The following GPC5 variants were observed in gnomAD, a reference collection of about 807,000 sequenced individuals.
The protein encoded by GPC5 is glypican 5.
In GPC5, 47 loss-of-function variants were observed where a neutral mutation model predicts 53.9. That is an observed-to-expected ratio of 0.87 (90% CI 0.69 to 1.11). GPC5 has a LOEUF of 1.11. Among genes scored for constraint, GPC5 ranks in the 50% most tolerant of loss-of-function variants. The pLI, the probability that GPC5 is intolerant of heterozygous loss-of-function variation, is 0.00. For synonymous variants in GPC5, 286 were observed against 263.3 expected (o/e 1.09, Z -0.84); for missense variants, 748 against 713.1 (o/e 1.05, Z -0.56).
intron 6 of GPC5, among the ~76,000 whole-genome samples, chr13:92,137,354 C>T (rs988133628): frequency 2.6e-5 from 4 of 152,144 alleles, no homozygotes; most frequent in Admixed American, 2.0e-4. Flanking sequence ...AAGTTCAAAA[C>T]TTGAAACACT....
At chr13:92,063,538 T>C (rs1373707399) in intron 6 of GPC5, among the ~76,000 whole-genome samples, 1 of 152,074 alleles carries the variant, frequency 6.6e-6, no homozygotes, top group Admixed American at 6.5e-5. Flanking sequence ...ACTCCTACCA[T>C]GCTTTGGGCC....
At chr13:92,798,930 A>G (rs1223057637) in intron 7 of GPC5, among the ~76,000 whole-genome samples, 1 of 151,878 alleles carries the variant, frequency 6.6e-6, no homozygotes, top group Admixed American at 6.6e-5. Flanking sequence ...AATACGTAAT[A>G]TCTTAGATTC....
chr13:91,697,692 A>T (rs2035909178), intron 3 of GPC5, among the ~76,000 whole-genome samples: 1 of 152,006 alleles, frequency 6.6e-6, no homozygotes, highest in Non-Finnish European at 1.5e-5. Context: ...TTGGTAAATA[A>T]ATACTTCATA....
At chr13:92,682,293 C>T (rs16951951) in intron 7 of GPC5, among the ~76,000 whole-genome samples, 1 of 152,074 alleles carries the variant, frequency 6.6e-6, no homozygotes, top group Non-Finnish European at 1.5e-5. Context: ...ACATTGTGCT[C>T]TCTCTCTCCC....
At chr13:92,810,510 T>C (rs1877255256) in intron 7 of GPC5, among the ~76,000 whole-genome samples, 1 of 151,964 alleles carries the variant, frequency 6.6e-6, no homozygotes, top group African/African-American at 2.4e-5. Context: ...ATATTTACAC[T>C]GTTATATCAC....
intron 7 of GPC5, among the ~76,000 whole-genome samples, chr13:92,244,059 C>T (rs371258580): frequency 5.3e-5 from 8 of 152,270 alleles, no homozygotes; most frequent in East Asian, 1.9e-4. Context: ...TAGAAGAGTA[C>T]ACTCTGGACA....
chr13:91,926,367 A>G (rs1417544673), intron 6 of GPC5, among the ~76,000 whole-genome samples: 25 of 151,724 alleles, frequency 1.6e-4, no homozygotes, highest in Admixed American at 1.6e-3. Flanking sequence ...CCTAAAAAAA[A>G]AAAAAAAAAA....
At chr13:91,671,264 T>C (rs1313712183) in intron 2 of GPC5, among the ~76,000 whole-genome samples, 1 of 152,192 alleles carries the variant, frequency 6.6e-6, no homozygotes, top group African/African-American at 2.4e-5. Flanking sequence ...TTTAGAGTTA[T>C]GCAAAGTAGT....
At chr13:91,765,372 G>A (rs1258879499) in intron 5 of GPC5, among the ~76,000 whole-genome samples, 1 of 152,178 alleles carries the variant, frequency 6.6e-6, no homozygotes, top group Non-Finnish European at 1.5e-5. Flanking sequence ...CTGAAAACAA[G>A]GTTTCAGTCA....
chr13:92,116,199 T>A (rs953708083), intron 6 of GPC5, among the ~76,000 whole-genome samples: 2 of 152,010 alleles, frequency 1.3e-5, no homozygotes, highest in Non-Finnish European at 2.9e-5. Flanking sequence ...CAGTGAGCCA[T>A]GATTGTACCA....
At position 92,721,519 on chromosome 13, in the gene GPC5, G is replaced by A. The variant is rs150405535; in HGVS notation, c.1562-144763G>A. 4 of 152,106 alleles carry A rather than the reference G, an allele frequency of 2.6e-5. No homozygotes were observed. The South Asian group carries it at 6.2e-4, about 24-fold the overall frequency. 9.4% of individuals were successfully genotyped at this position (152,106 alleles called of 1,614,324 possible). ...CCAGTTTCAAAACACCAATGCCAAT[G>A]ACCTGAAAACTCACCAGGATCCCTT... On this transcript the variant is annotated intron_variant, in intron 7 of 7. Coordinates refer to ENST00000377067, the MANE Select transcript of GPC5 (RefSeq NM_004466.6).
intron 6 of GPC5, among the ~76,000 whole-genome samples, chr13:91,956,298 C>G (rs2040073136): frequency 6.6e-6 from 1 of 152,292 alleles, no homozygotes; most frequent in African/African-American, 2.4e-5. Flanking sequence ...ATTGTCATCA[C>G]AGCTGGCACC....
At chr13:92,715,411 T>G (rs1255320433) in intron 7 of GPC5, among the ~76,000 whole-genome samples, 3 of 152,158 alleles carry the variant, frequency 2.0e-5, no homozygotes, top group Non-Finnish European at 4.4e-5. Flanking sequence ...GAGCTCTAAA[T>G]TCAAGAAATA....
In GPC5 at chr13:91,431,061, G is replaced by A. The variant is rs192153075; in HGVS notation, c.164-17700G>A. Among the ~76,000 whole-genome samples the A allele has an allele frequency of 4.5e-4, 69 of 152,146 alleles. No homozygotes were observed. In the East Asian group the frequency reaches 0.012, roughly 26 times the overall value. The stretch of plus-strand genomic sequence containing the variant: ...GACTAATTTTTCTATTTTTTGTAGA[G>A]ATGGGATTTTGTTTGCCATGCTGCC... On this transcript the variant is annotated intron_variant, in intron 1 of 7. Coordinates refer to ENST00000377067, the MANE Select transcript of GPC5 (RefSeq NM_004466.6).
At chr13:92,442,750 A>G (rs1877625434) in intron 7 of GPC5, among the ~76,000 whole-genome samples, 1 of 152,172 alleles carries the variant, frequency 6.6e-6, no homozygotes, top group Admixed American at 6.5e-5. Flanking sequence ...TCAAAAGCCC[A>G]ACTGCATAGG....
intron 5 of GPC5, among the ~76,000 whole-genome samples, chr13:91,781,443 G>A (rs183106718): frequency 2.6e-5 from 4 of 152,142 alleles, no homozygotes; most frequent in African/African-American, 9.7e-5. Context: ...TTATTTATAA[G>A]GTATTCTTCA....
chr13:92,236,195 C>T (rs1450959813), intron 7 of GPC5, among the ~76,000 whole-genome samples: 3 of 151,964 alleles, frequency 2.0e-5, no homozygotes, highest in Non-Finnish European at 4.4e-5. Context: ...ACTAAGACTG[C>T]ATGTCTGTGT....
intron 2 of GPC5, among the ~76,000 whole-genome samples, chr13:91,565,441 G>A (rs564763742): frequency 6.6e-6 from 1 of 152,308 alleles, no homozygotes; most frequent in East Asian, 1.9e-4. Context: ...ACAGTTGTTA[G>A]GCAGACATCG....
intron 5 of GPC5, among the ~76,000 whole-genome samples, chr13:91,809,155 T>G (rs2038271038): frequency 6.6e-6 from 1 of 152,128 alleles, no homozygotes; most frequent in African/African-American, 2.4e-5. Context: ...CCTGTGAATG[T>G]GCTTTGGCAT....
Sources: allele counts gnomAD v4.1 joint callset (sites outside exome capture counted in the v4.1 genomes callset), GRCh38; gene constraint gnomAD v4.1.1; transcripts MANE v1.5; gene names NCBI Gene and HGNC (gene_info 2026-07-23, HGNC 2026-07-21).